The following EXOC4 variants were observed in gnomAD, a reference collection of about 807,000 sequenced individuals.
The protein encoded by EXOC4 is exocyst complex component 4.
In EXOC4, 71 loss-of-function variants were observed where a neutral mutation model predicts 107.2. The observed-to-expected ratio is 0.66, with a 90% CI of 0.55 to 0.81. The LOEUF (loss-of-function observed/expected upper bound fraction) is 0.81. Among genes scored for constraint, EXOC4 ranks in the 30% least tolerant of loss-of-function variants. The pLI, the probability that EXOC4 is intolerant of heterozygous loss-of-function variation, is 0.00. For synonymous variants in EXOC4, 456 were observed against 441.2 expected (o/e 1.03, Z -0.42); for missense variants, 1,108 against 1,189.6 (o/e 0.93, Z 1.01).
At chr7:134,079,552 C>A in the EXOC4 span, among the ~76,000 whole-genome samples, 2 of 152,112 alleles carry the variant, frequency 1.3e-5, no homozygotes, top group African/African-American at 4.8e-5. Context: ...TAGATGGCAG[C>A]CCTTGAAAGG....
chr7:133,563,875 T>C (rs12386605), intron 9 of EXOC4, among the ~76,000 whole-genome samples: 57,014 of 152,078 alleles, frequency 0.37, 11,674 homozygotes, highest in African/African-American at 0.55. Flanking sequence ...AGACCACTGA[T>C]TTTTGACACT....
intron 11 of EXOC4, among the ~76,000 whole-genome samples, chr7:133,865,131 C>T (rs796813840): frequency 1.3e-5 from 2 of 151,888 alleles, no homozygotes; most frequent in East Asian, 1.9e-4. Context: ...ATATAAATTT[C>T]ATGGGACAGG....
chr7:133,366,333 G>A (rs947857961), intron 6 of EXOC4, among the ~76,000 whole-genome samples: 7 of 152,200 alleles, frequency 4.6e-5, no homozygotes, highest in South Asian at 2.1e-4. Context: ...GGGGCTGGAA[G>A]TTAATAGATG....
chr7:134,081,146 C>A, the EXOC4 span, among the ~76,000 whole-genome samples: 23 of 152,184 alleles, frequency 1.5e-4, no homozygotes, highest in East Asian at 4.3e-3. Flanking sequence ...GGTTTGAGAG[C>A]AGCCTGGCCA....
chr7:134,003,389 A>G (rs557407486), intron 15 of EXOC4, among the ~76,000 whole-genome samples: 1 of 152,298 alleles, frequency 6.6e-6, no homozygotes, highest in East Asian at 1.9e-4. Flanking sequence ...ATGATTGTAC[A>G]TGTTTGTTAA....
Position 134,045,995 on chromosome 7 carries a change from C to T in EXOC4, c.2688-18296C>T, listed in dbSNP as rs1795641743. On this transcript the variant is annotated intron_variant, in intron 17 of 17. Coordinates refer to ENST00000253861, the MANE Select transcript of EXOC4 (RefSeq NM_021807.4). ...AAATATACTCAGGTACACATCCCAACACCTGGCCTACAGCCTGCTCTCTTT... is the reference window on the plus strand; with the variant it reads ...AAATATACTCAGGTACACATCCCAATACCTGGCCTACAGCCTGCTCTCTTT... Among the ~76,000 whole-genome samples, 3 of 152,328 alleles carry T rather than the reference C, an allele frequency of 2.0e-5. No individual in the cohort carries two copies. In the East Asian group the frequency reaches 5.8e-4, roughly 29 times the overall value.
chr7:133,771,411 C>CT (rs1171139577), intron 10 of EXOC4: 1 of 151,964 alleles, frequency 6.6e-6, no homozygotes, highest in Non-Finnish European at 1.5e-5. Context: ...CTCATTTCAT[C>CT]TTAACCCCCT....
chr7:133,604,706 C>CTTTTTTTTTTT lies in EXOC4; in HGVS notation c.1418-25336_1418-25335insTTTTTTTTTTT, dbSNP rs1554477961. 5.1e-3 allele frequency among the ~76,000 whole-genome samples: 442 copies of CTTTTTTTTTTT among 87,450 alleles called. 70 individuals carry two copies. The highest frequency in any genetic ancestry group is 0.015 in the Middle Eastern group (2 of 136). 57.4% of individuals were successfully genotyped at this position (87,450 alleles called of 152,430 possible). ...TTTTTCTTTCCTTCCTTCCTTCCTT[C>CTTTTTTTTTTT]TTTCTTTTTTTTTTTTTTTTTTTTT... On this transcript the variant is annotated intron_variant, in intron 9 of 17. Coordinates refer to ENST00000253861, the MANE Select transcript of EXOC4 (RefSeq NM_021807.4).
intron 5 of EXOC4, among the ~76,000 whole-genome samples, chr7:133,327,622 A>G (rs1202737817): frequency 6.6e-6 from 1 of 152,020 alleles, no homozygotes; most frequent in African/African-American, 2.4e-5. Flanking sequence ...TGTCCCAGAG[A>G]TTTTGTTGCA....
chr7:133,348,959 C>G (rs530220533), intron 5 of EXOC4, among the ~76,000 whole-genome samples: 1 of 152,152 alleles, frequency 6.6e-6, no homozygotes, highest in African/African-American at 2.4e-5. Context: ...GCAAGTAAAA[C>G]CAAATGAATC....
chr7:133,715,135 G>T lies in EXOC4; in HGVS notation c.1514+84994G>T, dbSNP rs1006099130. On this transcript the variant is annotated intron_variant, in intron 10 of 17. Transcript: ENST00000253861. The stretch of plus-strand genomic sequence containing the variant: ...GAGAATGGAAACTGTGGGCAGCCTT[G>T]TACTGGGTATTCCAGTATCTCTAAT... 2.0e-5 allele frequency among the ~76,000 whole-genome samples: 3 copies of T among 152,288 alleles called. No individual in the cohort carries two copies. In the South Asian group the frequency reaches 6.2e-4, roughly 32 times the overall value.
At chr7:133,990,993 A>G (rs1794242896) in intron 14 of EXOC4, among the ~76,000 whole-genome samples, 1 of 152,118 alleles carries the variant, frequency 6.6e-6, no homozygotes, top group Non-Finnish European at 1.5e-5. Flanking sequence ...GTTTTTGAGG[A>G]AACTGCATGC....
At chr7:134,036,390 C>T (rs1052003160) in intron 17 of EXOC4, among the ~76,000 whole-genome samples, 4 of 152,118 alleles carry the variant, frequency 2.6e-5, no homozygotes, top group Non-Finnish European at 5.9e-5. Flanking sequence ...GAGTTCAAGA[C>T]CAGCCCAGCA....
intron 14 of EXOC4, among the ~76,000 whole-genome samples, chr7:133,981,146 G>A (rs1175969638): frequency 1.3e-5 from 2 of 152,160 alleles, no homozygotes; most frequent in East Asian, 1.9e-4. Flanking sequence ...TGCTTCAGAG[G>A]AGCCCCCACC....
At chr7:133,460,392 C>T (rs771387134) in intron 7 of EXOC4, among the ~76,000 whole-genome samples, 3 of 152,122 alleles carry the variant, frequency 2.0e-5, no homozygotes, top group South Asian at 2.1e-4. Flanking sequence ...GGAACCCTTG[C>T]GCTAGAATTT....
intron 10 of EXOC4, among the ~76,000 whole-genome samples, chr7:133,636,797 T>C (rs1802723143): frequency 6.6e-6 from 1 of 152,200 alleles, no homozygotes; most frequent in Admixed American, 6.5e-5. Flanking sequence ...TATTTATTGG[T>C]CAGTGAGTAA....
rs527595702 is a variant in EXOC4, at chr7:133,379,288, G to A, written c.1182+4286G>A. On this transcript the variant is annotated intron_variant, in intron 7 of 17. Transcript: ENST00000253861. The stretch of plus-strand genomic sequence containing the variant: ...TAGAGAAACCAGTTTAGAATCAGGT[G>A]TTTCATTTAGTTGTCTTTAAACTTG... 5.3e-5 allele frequency among the ~76,000 whole-genome samples: 8 copies of A among 152,024 alleles called. No individual in the cohort carries two copies. In the South Asian group the frequency reaches 1.5e-3, roughly 28 times the overall value.
chr7:133,982,420 C>T (rs1278189247), intron 14 of EXOC4, among the ~76,000 whole-genome samples: 8 of 152,022 alleles, frequency 5.3e-5, no homozygotes, highest in African/African-American at 9.7e-5. Context: ...GGCGTGGTGG[C>T]GGGTGCTTGT....
intron 10 of EXOC4, among the ~76,000 whole-genome samples, chr7:133,808,114 G>A (rs544874552): frequency 8.5e-4 from 130 of 152,202 alleles, no homozygotes; most frequent in South Asian, 2.5e-3. Context: ...TGTCTCCTAC[G>A]GGTATGGGCT....
Sources: allele counts gnomAD v4.1 joint callset (sites outside exome capture counted in the v4.1 genomes callset), GRCh38; gene constraint gnomAD v4.1.1; transcripts MANE v1.5; gene names NCBI Gene and HGNC (gene_info 2026-07-23, HGNC 2026-07-21).